The following WWC2 variants were observed in gnomAD, a reference collection of about 807,000 sequenced individuals.
WWC2 encodes the protein protein WWC2.
Under a neutral mutation model 138.5 loss-of-function variants are expected in WWC2, and 101 were observed. The observed-to-expected ratio is 0.73, with a 90% CI of 0.62 to 0.86. WWC2 has a LOEUF of 0.86. Among genes scored for constraint, WWC2 ranks in the 40% least tolerant of loss-of-function variants. The pLI is 0.00. For synonymous variants in WWC2, 558 were observed against 538.4 expected, an observed-to-expected ratio of 1.04 and a Z score of -0.50; for missense variants, 1,420 against 1,419.4, an observed-to-expected ratio of 1.00 and a Z score of -0.01.
intron 1 of WWC2, among the ~76,000 whole-genome samples, chr4:183,142,986 A>G (rs1417349222): frequency 6.6e-6 from 1 of 152,208 alleles, no homozygotes; most frequent in Non-Finnish European, 1.5e-5. Context: ...TCAGAAATGA[A>G]CAGTGAAATT....
intron 18 of WWC2, 78 bp from the exon 19 acceptor site, chr4:183,284,148 T>C (rs79631032): frequency 6.5e-7 from 1 of 1,549,424 alleles, no homozygotes; most frequent in African/African-American, 1.4e-5. Flanking sequence ...ACATTAGATA[T>C]TTTTTCTTTC....
In WWC2 at chr4:183,217,062, T is replaced by C. The variant is rs80235496; in HGVS notation, c.522+8037T>C. Among the ~76,000 whole-genome samples the C allele has an allele frequency of 3.4e-3, 519 of 152,340 alleles. 2 individuals carry two copies. The highest frequency in any genetic ancestry group is 5.7e-3 in the Non-Finnish European group (389 of 68,024). ...AAATTAGTCTGAGGCTAGTGCTGCA[T>C]TGGACTTCTTCTAACAAAAATTGAA... On this transcript the variant is annotated intron_variant, in intron 4 of 22. Transcript: ENST00000403733.
In WWC2 at chr4:183,214,236, C is replaced by T. The variant is rs148226966; in HGVS notation, c.522+5211C>T. ...GGGCACTGTTATTAATAACAGTATA[C>T]TATCTTTTGTTCTCAAGTATGTACT... On this transcript the variant is annotated intron_variant, in intron 4 of 22. Transcript: ENST00000403733. Among the ~76,000 whole-genome samples the T allele has an allele frequency of 4.9e-4, 74 of 152,272 alleles. No homozygotes were observed. In the East Asian group the frequency reaches 0.012, roughly 25 times the overall value.
chr4:183,266,512 T>C (rs547290188), intron 14 of WWC2, among the ~76,000 whole-genome samples: 11 of 152,314 alleles, frequency 7.2e-5, no homozygotes, highest in African/African-American at 2.6e-4. Flanking sequence ...TAGAGACTTT[T>C]TGCTTCCTGA....
intron 1 of WWC2, among the ~76,000 whole-genome samples, chr4:183,169,447 T>A (rs60024592): frequency 1.2e-3 from 84 of 72,536 alleles, no homozygotes; most frequent in African/African-American, 4.0e-3. Flanking sequence ...ATTTTTTTTT[T>A]ATTTTTTCAT....
intron 1 of WWC2, among the ~76,000 whole-genome samples, chr4:183,165,027 C>A (rs1160310480): frequency 6.6e-6 from 1 of 152,154 alleles, no homozygotes; most frequent in Non-Finnish European, 1.5e-5. Context: ...GCTGGATTAA[C>A]AATCATTACC....
rs559527983 is a variant in WWC2, at chr4:183,282,767, A to G, written c.2744A>G (p.Lys915Arg). Reference sequence around the variant, plus strand: ...GTGGCTGAAAAAGAGGCTGAAGTTAAATTGCCAGAGGACAGTAGCTGTACA... The same window carrying G: ...GTGGCTGAAAAAGAGGCTGAAGTTAGATTGCCAGAGGACAGTAGCTGTACA... Reference protein sequence around the residue: ...EIVAEKEAEVKLPEDSSCTED... With the variant: ...EIVAEKEAEVRLPEDSSCTED... The change falls in exon 18 of 23, where the codon AAA becomes AGA. Residue 915 changes from lysine to arginine, a missense_variant. Lys to Arg is a conservative substitution (Grantham distance 26). Coordinates refer to ENST00000403733, the MANE Select transcript of WWC2 (RefSeq NM_024949.6). 3.9e-4 allele frequency: 610 copies of G among 1,581,438 alleles called. 8 individuals carry two copies. In the South Asian group the frequency reaches 6.6e-3, roughly 17 times the overall value.
Position 183,253,838 on chromosome 4 carries a change from G to A in WWC2, c.1035G>A (p.Leu345=), listed in dbSNP as rs1163105671. The A allele has an allele frequency of 1.2e-6, 2 of 1,613,688 alleles. No individual in the cohort carries two copies. Among genetic ancestry groups the A allele is most frequent in the Non-Finnish European group, 1.7e-6 (2 of 1,179,782 alleles). ...PGALDIEKEK[L]MLINEKEELL... Reference sequence around the variant, plus strand: ...CACTGGATATTGAGAAGGAAAAACTGATGCTGATTAATGAAAAAGAAGAAC... The same window carrying A: ...CACTGGATATTGAGAAGGAAAAACTAATGCTGATTAATGAAAAAGAAGAAC... Residue 345 remains leucine, a synonymous_variant, in exon 9 of 23, where the codon CTG becomes CTA. Transcript: ENST00000403733.
chr4:183,289,531 C>T lies in WWC2; in HGVS notation c.3280C>T (p.Arg1094Trp), dbSNP rs781012762. Residue 1094 changes from arginine (R) to tryptophan (W), a missense_variant, in exon 21 of 23, where the codon CGG (arginine) becomes TGG (tryptophan). Coordinates refer to ENST00000403733, the MANE Select transcript of WWC2 (RefSeq NM_024949.6). ...NDELQALRDL[R>W]QKLEELKAQG... ...TGAGCTGCAGGCGCTGAGGGACTTG[C>T]GGCAGAAGCTGGAGGAACTGAAAGC... 17 of 1,613,764 alleles carry T rather than the reference C, an allele frequency of 1.1e-5. No individual in the cohort carries two copies. In the South Asian group the frequency reaches 1.3e-4, roughly 13 times the overall value.
intron 1 of WWC2, among the ~76,000 whole-genome samples, chr4:183,123,847 ATTTG>A (rs1732678117): frequency 6.6e-6 from 1 of 152,080 alleles, no homozygotes; most frequent in African/African-American, 2.4e-5. Flanking sequence ...GCTGGATTCT[ATTTG>A]TTAATTTTTT....
intron 21 of WWC2, 86 bp downstream of exon 21, chr4:183,289,721 T>C: frequency 2.0e-6 from 3 of 1,535,518 alleles, no homozygotes; most frequent in Non-Finnish European, 2.6e-6. Flanking sequence ...CTTACACTTC[T>C]GTTTTGCGCA....
chr4:183,203,745 C>G (rs1199679332), intron 2 of WWC2: 1 of 152,164 alleles, frequency 6.6e-6, no homozygotes, highest in African/African-American at 2.4e-5. Flanking sequence ...ATTCAGTTCT[C>G]TAGTAGAATC....
intron 1 of WWC2, among the ~76,000 whole-genome samples, chr4:183,161,693 C>G (rs1178001898): frequency 6.6e-6 from 1 of 152,120 alleles, no homozygotes; most frequent in African/African-American, 2.4e-5. Context: ...TTACAGTTGC[C>G]TACGGTATTC....
At chr4:183,302,788 G>A (rs1738895466) in intron 21 of WWC2, among the ~76,000 whole-genome samples, 2 of 152,182 alleles carry the variant, frequency 1.3e-5, no homozygotes, top group Non-Finnish European at 2.9e-5. Flanking sequence ...TAGAGGCTGG[G>A]TGCATTGGCT....
intron 1 of WWC2, among the ~76,000 whole-genome samples, chr4:183,129,095 A>G (rs1325075570): frequency 6.6e-6 from 1 of 152,230 alleles, no homozygotes; most frequent in Non-Finnish European, 1.5e-5. Context: ...TGATCAGAAG[A>G]ATAAGTTTTG....
At chr4:183,248,369 C>T (rs1736862084) in intron 6 of WWC2, among the ~76,000 whole-genome samples, 1 of 152,178 alleles carries the variant, frequency 6.6e-6, no homozygotes, top group African/African-American at 2.4e-5. Flanking sequence ...ACAATTTCAG[C>T]TGCATGAAGT....
intron 1 of WWC2, among the ~76,000 whole-genome samples, chr4:183,121,191 A>G (rs1022147285): frequency 2.6e-5 from 4 of 151,656 alleles, no homozygotes; most frequent in African/African-American, 7.3e-5. Context: ...GGCAACAGAT[A>G]GAGACATTAT....
intron 1 of WWC2, among the ~76,000 whole-genome samples, chr4:183,102,544 G>C (rs1743211334): frequency 6.6e-6 from 1 of 152,168 alleles, no homozygotes; most frequent in South Asian, 2.1e-4. Context: ...AAGCCAGACA[G>C]CTTGACTCTA....
At chr4:183,289,000 G>A (rs1418192142) in intron 20 of WWC2, among the ~76,000 whole-genome samples, 2 of 152,198 alleles carry the variant, frequency 1.3e-5, no homozygotes, top group African/African-American at 2.4e-5. Context: ...CTGTACTATG[G>A]TAACAACTTT....
Sources: gnomAD v4.1 joint callset for allele counts (sites outside exome capture counted in the v4.1 genomes callset) on GRCh38, gnomAD v4.1.1 for gene constraint, MANE v1.5 for transcripts, NCBI Gene and HGNC (gene_info 2026-07-23, HGNC 2026-07-21) for gene names.